The following DLG2 variants were observed in gnomAD, a reference collection of about 807,000 sequenced individuals.
DLG2 encodes the protein disks large homolog 2.
Under a neutral mutation model 132.5 loss-of-function variants are expected in DLG2, and 45 were observed. The observed-to-expected ratio is 0.34, with a 90% CI of 0.27 to 0.44. DLG2 has a LOEUF of 0.44. Among genes scored for constraint, DLG2 ranks in the 20% least tolerant of loss-of-function variants. The pLI, the probability that DLG2 is intolerant of heterozygous loss-of-function variation, is 1.00. For synonymous variants in DLG2, 424 were observed against 419.6 expected (o/e 1.01, Z -0.13); for missense variants, 1,045 against 1,196.9 (o/e 0.87, Z 1.87).
At chr11:83,594,348 T>A (rs1282146777) in intron 19 of DLG2, among the ~76,000 whole-genome samples, 1 of 152,214 alleles carries the variant, frequency 6.6e-6, no homozygotes, top group African/African-American at 2.4e-5. Flanking sequence ...AATAAACTTT[T>A]ATGTGTGAAG....
At chr11:85,101,486 T>C (rs2070840895) in intron 6 of DLG2, among the ~76,000 whole-genome samples, 1 of 152,108 alleles carries the variant, frequency 6.6e-6, no homozygotes, top group South Asian at 2.1e-4. Context: ...TTAAGGTTTG[T>C]GGGTATTAAA....
intron 3 of DLG2, among the ~76,000 whole-genome samples, chr11:85,508,471 T>C (rs1294826453): frequency 6.6e-6 from 1 of 152,070 alleles, no homozygotes; most frequent in Admixed American, 6.6e-5. Flanking sequence ...CTACCTTAGG[T>C]ATGTTCTTTA....
At chr11:83,663,134 A>G (rs888336382) in intron 18 of DLG2, among the ~76,000 whole-genome samples, 2 of 152,234 alleles carry the variant, frequency 1.3e-5, no homozygotes, top group Non-Finnish European at 2.9e-5. Flanking sequence ...TTCAATAAAT[A>G]TATGTTAAAT....
At chr11:84,339,594 T>C (rs1330088539) in intron 7 of DLG2, among the ~76,000 whole-genome samples, 1 of 152,194 alleles carries the variant, frequency 6.6e-6, no homozygotes, top group East Asian at 1.9e-4. Flanking sequence ...CTCCCTTTGA[T>C]GCAATGATAT....
chr11:83,538,915 A>G (rs1427996420), intron 20 of DLG2, among the ~76,000 whole-genome samples: 1 of 152,094 alleles, frequency 6.6e-6, no homozygotes, highest in African/African-American at 2.4e-5. Flanking sequence ...GCTAGCTCTT[A>G]TTTTTGTATC....
At chr11:84,203,464 T>C (rs1406200199) in intron 8 of DLG2, among the ~76,000 whole-genome samples, 2 of 151,376 alleles carry the variant, frequency 1.3e-5, no homozygotes, top group African/African-American at 4.9e-5. Context: ...TGCCTGTAGT[T>C]CCAGCTACTT....
At chr11:85,085,326 C>T (rs1049581818) in intron 6 of DLG2, among the ~76,000 whole-genome samples, 7 of 152,090 alleles carry the variant, frequency 4.6e-5, no homozygotes, top group Admixed American at 3.9e-4. Context: ...TATATAGAAA[C>T]TCCTAGATAC....
intron 6 of DLG2, among the ~76,000 whole-genome samples, chr11:85,060,425 A>G (rs2063947034): frequency 6.6e-6 from 1 of 150,654 alleles, no homozygotes; most frequent in Non-Finnish European, 1.5e-5. Flanking sequence ...GTGTGTATAT[A>G]TATGTGTATA....
intron 6 of DLG2, among the ~76,000 whole-genome samples, chr11:84,786,784 C>T (rs1013656905): frequency 6.6e-6 from 1 of 152,138 alleles, no homozygotes; most frequent in Non-Finnish European, 1.5e-5. Flanking sequence ...CTACCATAGA[C>T]ACAAAGTTAA....
rs140662006 is a variant in DLG2 at position 83,682,254 on chromosome 11, C to T, written c.1826-48929G>A. The T allele has an allele frequency of 3.0e-5, 30 of 985,368 alleles. No homozygotes were observed. The East Asian group carries it at 6.8e-4, about 22-fold the overall frequency. 61.0% of individuals were successfully genotyped at this position (985,368 alleles called of 1,614,324 possible). On this transcript the variant is annotated intron_variant, in intron 18 of 27. Coordinates refer to ENST00000376104, the MANE Select transcript of DLG2 (RefSeq NM_001142699.3). ...GTGCCAGGTTCTCCTGTCTGCTGTC[C>T]GGTTCACACTTGCCTTTATAACTAA... is the stretch of plus-strand genomic sequence containing the variant.
chr11:84,665,676 A>G (rs1196727957), intron 6 of DLG2, among the ~76,000 whole-genome samples: 1 of 152,072 alleles, frequency 6.6e-6, no homozygotes, highest in East Asian at 1.9e-4. Context: ...AACATTTTAT[A>G]GTTTTGTTGT....
chr11:83,864,815 GA>G (rs11320309), intron 16 of DLG2, among the ~76,000 whole-genome samples: 38,019 of 150,684 alleles, frequency 0.25, 4,836 homozygotes, highest in East Asian at 0.35. Flanking sequence ...AATATATGCA[GA>G]AAAAAAAACC....
intron 4 of DLG2, among the ~76,000 whole-genome samples, chr11:85,204,097 A>T (rs938928470): frequency 6.6e-6 from 1 of 152,128 alleles, no homozygotes; most frequent in Non-Finnish European, 1.5e-5. Context: ...ATGGGGAAAA[A>T]TTGAAAGCAT....
chr11:83,701,727 G>A (rs1422986038), intron 18 of DLG2, among the ~76,000 whole-genome samples: 1 of 152,170 alleles, frequency 6.6e-6, no homozygotes, highest in Non-Finnish European at 1.5e-5. Flanking sequence ...GTATATACAA[G>A]GCATTCAGGA....
intron 20 of DLG2, among the ~76,000 whole-genome samples, chr11:83,540,309 T>C (rs528634431): frequency 6.6e-5 from 10 of 152,314 alleles, no homozygotes; most frequent in African/African-American, 2.4e-4. Flanking sequence ...TTTAAACATG[T>C]AACCTTTCAG....
chr11:84,983,296 A>C (rs909396845), intron 6 of DLG2, among the ~76,000 whole-genome samples: 1 of 152,210 alleles, frequency 6.6e-6, no homozygotes, highest in Non-Finnish European at 1.5e-5. Context: ...AGAGACCCAC[A>C]GACGGTTCAC....
At chr11:84,171,976 C>A (rs1490369182) in intron 8 of DLG2, among the ~76,000 whole-genome samples, 1 of 152,050 alleles carries the variant, frequency 6.6e-6, no homozygotes, top group Non-Finnish European at 1.5e-5. Context: ...TTTCAAGTTA[C>A]AGCGCATTAT....
At chr11:83,754,031 C>G (rs1488462848) in intron 18 of DLG2, among the ~76,000 whole-genome samples, 1 of 149,392 alleles carries the variant, frequency 6.7e-6, no homozygotes, top group East Asian at 1.9e-4. Context: ...GCCCCATCCC[C>G]AATTCCCCAG....
At chr11:84,907,142 C>T (rs1408917585) in intron 6 of DLG2, among the ~76,000 whole-genome samples, 1 of 152,172 alleles carries the variant, frequency 6.6e-6, no homozygotes, top group Non-Finnish European at 1.5e-5. Flanking sequence ...TGAATCATGG[C>T]TTCTTCAGGC....
Sources: allele counts gnomAD v4.1 joint callset (sites outside exome capture counted in the v4.1 genomes callset), GRCh38; gene constraint gnomAD v4.1.1; transcripts MANE v1.5; gene names NCBI Gene and HGNC (gene_info 2026-07-23, HGNC 2026-07-21).